ADCY2: variants seen among roughly 807,000 people sequenced by gnomAD.
ADCY2 encodes adenylate cyclase type 2.
ADCY2 carries 31 observed loss-of-function variants against 125.2 expected under a neutral mutation model. That is an observed-to-expected ratio of 0.25 (90% CI 0.19 to 0.33). The LOEUF (loss-of-function observed/expected upper bound fraction) is 0.33. Ranked by LOEUF, ADCY2 falls within the 10% of genes least tolerant of loss-of-function variation. The pLI is 1.00. For synonymous variants in ADCY2, 512 were observed against 548.4 expected (o/e 0.93, Z 0.93); for missense variants, 904 against 1,418.2 (o/e 0.64, Z 5.82).
intron 2 of ADCY2, among the ~76,000 whole-genome samples, chr5:7,470,771 G>A (rs1245986407): frequency 1.3e-5 from 2 of 151,324 alleles, no homozygotes; most frequent in African/African-American, 2.4e-5. Context: ...GAATTGTTCT[G>A]TAAAGGAATT....
intron 3 of ADCY2, chr5:7,611,118 A>G (rs527488267): frequency 4.7e-4 from 72 of 152,296 alleles, no homozygotes; most frequent in African/African-American, 1.7e-3. Flanking sequence ...TGCATTCTGT[A>G]TCTCTCCTCT....
chr5:7,812,986 A>G (rs898481220), intron 22 of ADCY2, among the ~76,000 whole-genome samples: 3 of 152,244 alleles, frequency 2.0e-5, no homozygotes, highest in African/African-American at 7.2e-5. Context: ...GAGAAGTTAA[A>G]TGACTCTACC....
chr5:7,566,759 G>GA (rs1032193038), intron 3 of ADCY2, among the ~76,000 whole-genome samples: 1 of 151,996 alleles, frequency 6.6e-6, no homozygotes, highest in Admixed American at 6.6e-5. Flanking sequence ...AACAAACAAA[G>GA]AAAAAACAGA....
intron 2 of ADCY2, among the ~76,000 whole-genome samples, chr5:7,442,216 G>A (rs925017897): frequency 6.6e-6 from 1 of 152,138 alleles, no homozygotes; most frequent in Admixed American, 6.5e-5. Flanking sequence ...TGTGCCTCCT[G>A]TGTGTCTTCT....
chr5:7,751,738 C>T (rs763667080), intron 15 of ADCY2, among the ~76,000 whole-genome samples: 1 of 152,090 alleles, frequency 6.6e-6, no homozygotes, highest in African/African-American at 2.4e-5. Context: ...CAGCTGTCCA[C>T]GTTTGGCTGG....
chr5:7,576,147 A>G (rs1254568957), intron 3 of ADCY2, among the ~76,000 whole-genome samples: 1 of 152,148 alleles, frequency 6.6e-6, no homozygotes, highest in Non-Finnish European at 1.5e-5. Context: ...ATTGGAGCGG[A>G]GCCGAAAATG....
At chr5:7,615,057 A>G (rs1275331240) in intron 3 of ADCY2, among the ~76,000 whole-genome samples, 2 of 152,188 alleles carry the variant, frequency 1.3e-5, no homozygotes, top group Admixed American at 6.5e-5. Context: ...ACATCTTCAC[A>G]TAGTGGAGCA....
intron 2 of ADCY2, among the ~76,000 whole-genome samples, chr5:7,512,156 G>A (rs912676749): frequency 3.0e-5 from 4 of 133,304 alleles, no homozygotes; most frequent in Non-Finnish European, 6.1e-5. Context: ...GGGAGATGAA[G>A]GTTGCAGTGA....
At chr5:7,783,326 T>C (rs559291226) in intron 18 of ADCY2, among the ~76,000 whole-genome samples, 2 of 152,166 alleles carry the variant, frequency 1.3e-5, no homozygotes, top group Non-Finnish European at 2.9e-5. Context: ...AAGTATTTAA[T>C]GTAGTGGCTA....
chr5:7,745,873 AGTT>A (rs1404806277), intron 15 of ADCY2, among the ~76,000 whole-genome samples: 1 of 152,142 alleles, frequency 6.6e-6, no homozygotes, highest in Admixed American at 6.5e-5. Flanking sequence ...CTACTCTCTA[AGTT>A]GTTATATTAA....
chr5:7,503,349 A>G (rs759546676), intron 2 of ADCY2, among the ~76,000 whole-genome samples: 1 of 152,230 alleles, frequency 6.6e-6, no homozygotes, highest in Non-Finnish European at 1.5e-5. Context: ...ATCACCACAG[A>G]TGCAGAGGTG....
At chr5:7,535,102 G>A (rs183394238) in intron 3 of ADCY2, among the ~76,000 whole-genome samples, 169 of 152,280 alleles carry the variant, frequency 1.1e-3, no homozygotes, top group African/African-American at 3.8e-3. Context: ...GTGCAATGGC[G>A]CAATCACGGC....
intron 2 of ADCY2, among the ~76,000 whole-genome samples, chr5:7,487,420 A>G (rs867834573): frequency 2.0e-5 from 3 of 152,200 alleles, no homozygotes; most frequent in African/African-American, 4.8e-5. Flanking sequence ...GGGCCTCATC[A>G]TAAACAGATA....
chr5:7,650,039 T>C (rs1197999224), intron 4 of ADCY2, among the ~76,000 whole-genome samples: 3 of 152,160 alleles, frequency 2.0e-5, no homozygotes, highest in South Asian at 2.1e-4. Context: ...TTCTTCTCCC[T>C]GGACCTCAGC....
chr5:7,570,378 AC>A (rs1736030178), intron 3 of ADCY2, among the ~76,000 whole-genome samples: 1 of 152,092 alleles, frequency 6.6e-6, no homozygotes, highest in African/African-American at 2.4e-5. Context: ...CAGTTTAAAA[AC>A]CTTTTTTTCT....
intron 18 of ADCY2, 115 bp from the exon 19 acceptor site, chr5:7,784,250 A>G (rs1744013781): frequency 1.4e-6 from 1 of 735,604 alleles, no homozygotes; most frequent in South Asian, 1.8e-5. Flanking sequence ...TTTGGCTGGT[A>G]TATGATGTAG....
rs573969189 is a variant in ADCY2 at position 7,708,105 on chromosome 5, G to T, written c.1401+267G>T. On this transcript the variant is annotated intron_variant, in intron 9 of 24. Coordinates refer to ENST00000338316, the MANE Select transcript of ADCY2 (RefSeq NM_020546.3). ...CAGGCTGTCATGTGTGTTAGTCGGT[G>T]TATTCCTTGGTGGATGCTGCATCTG... 7.9e-5 allele frequency: 24 copies of T among 302,936 alleles called. No homozygotes were observed. In the East Asian group the frequency reaches 1.4e-3, roughly 18 times the overall value. 18.8% of individuals were successfully genotyped at this position (302,936 alleles called of 1,614,324 possible).
rs755611186 is a variant in ADCY2, at chr5:7,544,311, A to C, written c.570+23412A>C. On this transcript the variant is annotated intron_variant, in intron 3 of 24. Coordinates refer to ENST00000338316, the MANE Select transcript of ADCY2 (RefSeq NM_020546.3). ...CACATTTTACAGTGTTGGACGCCAG[A>C]AATACAAAGCCAGTTTCATTGGGGT... Among the ~76,000 whole-genome samples, 107 of 152,328 alleles carry C rather than the reference A, an allele frequency of 7.0e-4. 2 individuals are homozygous for C. The highest frequency in any genetic ancestry group is 4.1e-3 in the Admixed American group (62 of 15,304).
chr5:7,693,995 A>G lies in ADCY2; in HGVS notation c.870-1757A>G, dbSNP rs566820886. ...CTCAGCACCTGTGATCCCTGCCACTATAAGTCAGCGTGGAAGAAAAGAAGT... is the reference window on the plus strand; with the variant it reads ...CTCAGCACCTGTGATCCCTGCCACTGTAAGTCAGCGTGGAAGAAAAGAAGT... On this transcript the variant is annotated intron_variant, in intron 5 of 24. Transcript: ENST00000338316. 1.5e-3 allele frequency among the ~76,000 whole-genome samples: 229 copies of G among 152,300 alleles called. 2 individuals are homozygous for G. The highest frequency in any genetic ancestry group is 2.5e-3 in the Non-Finnish European group (173 of 68,024).
Sources: allele counts gnomAD v4.1 joint callset (sites outside exome capture counted in the v4.1 genomes callset), GRCh38; gene constraint gnomAD v4.1.1; transcripts MANE v1.5; gene names NCBI Gene and HGNC (gene_info 2026-07-23, HGNC 2026-07-21).